The following MAP3K5 variants were observed in gnomAD, a reference collection of about 807,000 sequenced individuals.
The protein encoded by MAP3K5 is mitogen-activated protein kinase kinase kinase 5, also known as ASK-1.
Under a neutral mutation model 158.7 loss-of-function variants are expected in MAP3K5, and 56 were observed. The observed-to-expected ratio is 0.35, with a 90% CI of 0.28 to 0.44. The LOEUF (loss-of-function observed/expected upper bound fraction) is 0.44, where lower values mean the gene tolerates loss of function less well. MAP3K5 is among the 20% of genes least tolerant of loss of function. MAP3K5 has a pLI of 1.00. For synonymous variants in MAP3K5, 579 were observed against 601.7 expected (o/e 0.96, Z 0.55); for missense variants, 1,294 against 1,674.8 (o/e 0.77, Z 3.97).
At position 136,659,355 on chromosome 6, in the gene MAP3K5, CAAG is replaced by C; in HGVS notation, c.1387_1389del (p.Leu463del). Reference sequence around the variant, plus strand: ...AGTTTTTCCAAGTTTCCCTTTTTACCAAGAAGACTACTTAGCTTCACCCCTAGA... The same window carrying C: ...AGTTTTTCCAAGTTTCCCTTTTTACCAAGACTACTTAGCTTCACCCCTAGA... On this transcript the variant is annotated inframe_deletion, in exon 9 of 30. Transcript: ENST00000359015. The C allele has an allele frequency of 6.2e-7, 1 of 1,614,018 alleles. No homozygotes were observed. Among genetic ancestry groups the C allele is most frequent in the South Asian group, 1.1e-5 (1 of 91,064 alleles).
Position 136,788,367 on chromosome 6 carries a change from G to A in MAP3K5, c.448+3343C>T, listed in dbSNP as rs183151414. Among the ~76,000 whole-genome samples, 493 of 152,180 alleles carry A rather than the reference G, an allele frequency of 3.2e-3. 6 individuals are homozygous for A. Among genetic ancestry groups the A allele is most frequent in the African/African-American group, 0.011 (477 of 41,492 alleles). ...AAATACCATTCTGCATCAGCCTTGG[G>A]AAAGAATTTATGACTAAGTCCTCAA... On this transcript the variant is annotated intron_variant, in intron 1 of 29. Coordinates refer to ENST00000359015, the MANE Select transcript of MAP3K5 (RefSeq NM_005923.4).
At chr6:136,762,217 AAAGAG>A (rs68129995) in intron 1 of MAP3K5, among the ~76,000 whole-genome samples, 6,018 of 152,140 alleles carry the variant, frequency 0.04, 278 homozygotes, top group African/African-American at 0.11. Flanking sequence ...AAATGGGAAG[AAAGAG>A]AAGAGAAGAG....
rs552240814 is a variant in MAP3K5, at chr6:136,727,941, G to A, written c.449-7352C>T. 1.7e-4 allele frequency among the ~76,000 whole-genome samples: 26 copies of A among 150,264 alleles called. 1 individual carries two copies. Among genetic ancestry groups the A allele is most frequent in the African/African-American group, 5.9e-4 (24 of 40,656 alleles). On this transcript the variant is annotated intron_variant, in intron 1 of 29. Coordinates refer to ENST00000359015, the MANE Select transcript of MAP3K5 (RefSeq NM_005923.4). ...AGCACCATTGCACTCCAGCCTGGGCGACAGAGCGAGACTCCGCCTCAAAGA... is the reference window on the plus strand; with the variant it reads ...AGCACCATTGCACTCCAGCCTGGGCAACAGAGCGAGACTCCGCCTCAAAGA...
intron 1 of MAP3K5, among the ~76,000 whole-genome samples, chr6:136,758,584 G>C (rs1487436801): frequency 6.6e-6 from 1 of 152,180 alleles, no homozygotes; most frequent in Non-Finnish European, 1.5e-5. Context: ...AGTCAATCCA[G>C]ATCTAGATTC....
Position 136,592,524 on chromosome 6 carries a change from T to C in MAP3K5, c.2969A>G (p.Glu990Gly), listed in dbSNP as rs373598016. 1 of 1,613,076 alleles carries C rather than the reference T, an allele frequency of 6.2e-7. No homozygotes were observed. Among genetic ancestry groups the C allele is most frequent in the African/African-American group, 1.3e-5 (1 of 74,810 alleles). Residue 990 changes from glutamate (E) to glycine (G), a missense_variant, in exon 22 of 30, where the codon GAG becomes GGG. Glu to Gly is a moderately conservative substitution (Grantham distance 98). Transcript: ENST00000359015. ...GAAAGAGAAGGGGTCCACTTTCAAC[T>C]CCGTGTCGGGTGAAACTGAGCCGTA... Reference protein sequence around the residue: ...SEYGSVSPDTELKVDPFSFKT... With the variant: ...SEYGSVSPDTGLKVDPFSFKT...
chr6:136,674,791 T>C (rs1175103135), intron 7 of MAP3K5, among the ~76,000 whole-genome samples: 2 of 152,034 alleles, frequency 1.3e-5, no homozygotes, highest in East Asian at 3.9e-4. Context: ...CCAAAACTTT[T>C]TGAGTGCCAA....
chr6:136,628,509 G>T (rs551648594), intron 14 of MAP3K5, among the ~76,000 whole-genome samples: 1 of 152,094 alleles, frequency 6.6e-6, no homozygotes, highest in African/African-American at 2.4e-5. Context: ...GGACTCAGGT[G>T]CACACCACCA....
chr6:136,662,257 C>T (rs117912741), intron 8 of MAP3K5, among the ~76,000 whole-genome samples: 1 of 152,284 alleles, frequency 6.6e-6, no homozygotes, highest in Non-Finnish European at 1.5e-5. Context: ...AAGGTCTTAC[C>T]CACACCCTTC....
At chr6:136,738,142 T>C (rs530966491) in intron 1 of MAP3K5, among the ~76,000 whole-genome samples, 10 of 152,292 alleles carry the variant, frequency 6.6e-5, no homozygotes, top group African/African-American at 1.9e-4. Context: ...TGCACAATCA[T>C]TTTTTGGGAA....
intron 1 of MAP3K5, among the ~76,000 whole-genome samples, chr6:136,767,007 T>C (rs1783994197): frequency 6.6e-6 from 1 of 152,226 alleles, no homozygotes; most frequent in Non-Finnish European, 1.5e-5. Flanking sequence ...TTGGTAGATT[T>C]ATGCATTAGA....
At chr6:136,792,503 A>C, upstream of MAP3K5, 11 of 443,642 alleles carry the variant, frequency 2.5e-5, no homozygotes, top group Non-Finnish European at 2.7e-5. The surrounding 1 kb of genome is among the most constrained non-coding windows in gnomAD (Gnocchi z 5.7). Context: ...GGTGCAGCTC[A>C]AGGGCGCCGC....
intron 1 of MAP3K5, among the ~76,000 whole-genome samples, chr6:136,779,770 TC>T (rs1161501265): frequency 6.6e-6 from 1 of 152,208 alleles, no homozygotes; most frequent in Admixed American, 6.5e-5. Flanking sequence ...ACTGGCATAT[TC>T]CTGACTTGGT....
chr6:136,660,791 GAC>G (rs2063409652), intron 8 of MAP3K5, among the ~76,000 whole-genome samples: 1 of 152,180 alleles, frequency 6.6e-6, no homozygotes, highest in Admixed American at 6.5e-5. Context: ...TCAGGAAAGT[GAC>G]GCTAGTTCAT....
In MAP3K5 at chr6:136,638,543, G is replaced by T. The variant is rs148625822; in HGVS notation, c.1934+1000C>A. Among the ~76,000 whole-genome samples the T allele has an allele frequency of 3.0e-4, 45 of 152,192 alleles. No individual in the cohort carries two copies. The East Asian group carries it at 8.5e-3, about 29-fold the overall frequency. ...GACTGAAACAAATATTAGTTCTGGGGCACACACTTCATAAATTTTAGCTAT... is the reference window on the plus strand; with the variant it reads ...GACTGAAACAAATATTAGTTCTGGGTCACACACTTCATAAATTTTAGCTAT... On this transcript the variant is annotated intron_variant, in intron 13 of 29. Transcript: ENST00000359015.
intron 1 of MAP3K5, among the ~76,000 whole-genome samples, chr6:136,766,620 G>A (rs1783978999): frequency 6.6e-6 from 1 of 152,208 alleles, no homozygotes; most frequent in African/African-American, 2.4e-5. Context: ...GATTTACACA[G>A]CAAAGAGCAT....
chr6:136,651,120 A>T (rs1323404424), intron 10 of MAP3K5, 29 bp from the exon 11 acceptor site: 1 of 1,249,110 alleles, frequency 8.0e-7, no homozygotes, highest in Admixed American at 1.8e-5. Flanking sequence ...AGAAACTAAT[A>T]TCAGTGACTT....
chr6:136,564,920 A>G (rs923348014), intron 26 of MAP3K5, among the ~76,000 whole-genome samples: 1 of 152,202 alleles, frequency 6.6e-6, no homozygotes, highest in Non-Finnish European at 1.5e-5. Context: ...TAACAAATCC[A>G]GCTCTTTCTG....
chr6:136,725,827 T>C (rs1781943785), intron 1 of MAP3K5, among the ~76,000 whole-genome samples: 2 of 152,252 alleles, frequency 1.3e-5, no homozygotes, highest in Admixed American at 6.5e-5. Flanking sequence ...TATAGCTTTA[T>C]GTTAAATTTA....
intron 19 of MAP3K5, among the ~76,000 whole-genome samples, chr6:136,603,910 C>A (rs955123674): frequency 2.6e-5 from 4 of 152,172 alleles, no homozygotes; most frequent in African/African-American, 9.7e-5. Flanking sequence ...TAAAGCCAAG[C>A]TTTGCACAAA....
Sources: gnomAD v4.1 joint callset for allele counts (sites outside exome capture counted in the v4.1 genomes callset) on GRCh38, gnomAD v4.1.1 for gene constraint, Gnocchi (gnomAD v3.1) non-coding constraint, MANE v1.5 for transcripts, NCBI Gene and HGNC (gene_info 2026-07-23, HGNC 2026-07-21) for gene names.